The following TAF5L variants were observed in gnomAD, a reference collection of about 807,000 sequenced individuals.
The protein encoded by TAF5L is TATA-box binding protein associated factor 5 like, also known as TAF5-like RNA polymerase II p300/CBP-associated factor-associated factor 65 kDa subunit 5L.
In TAF5L, 7 loss-of-function variants were observed where a neutral mutation model predicts 51.3. The ratio of observed to expected loss-of-function variants is 0.14; its 90% CI spans 0.08 to 0.26. The LOEUF (loss-of-function observed/expected upper bound fraction) is 0.26, where lower values mean the gene tolerates loss of function less well. TAF5L is among the 10% of genes least tolerant of loss of function. The pLI, the probability that TAF5L is intolerant of heterozygous loss-of-function variation, is 1.00. For missense variants in TAF5L, 575 were observed against 758.9 expected, an observed-to-expected ratio of 0.76 and a Z score of 2.85; for synonymous variants, 291 against 308.1, an observed-to-expected ratio of 0.94 and a Z score of 0.58.
rs1664443971 is a variant in TAF5L at position 229,602,972 on chromosome 1, C to T, written c.248-53G>A. ...TAATCAGCATAATCTTACAGAATAACGTGATCCCTCCTGGGGATCACCACC... is the reference window on the plus strand; with the variant it reads ...TAATCAGCATAATCTTACAGAATAATGTGATCCCTCCTGGGGATCACCACC... On this transcript the variant is annotated intron_variant, in intron 3 of 4. Transcript: ENST00000258281. This position sits in a 1 kb window ranked among gnomAD's most constrained non-coding sequence, Gnocchi z 4.6. 1.9e-5 allele frequency: 29 copies of T among 1,518,992 alleles called. No individual in the cohort carries two copies. Among genetic ancestry groups the T allele is most frequent in the East Asian group, 2.3e-5 (1 of 44,340 alleles). 94.1% of individuals were successfully genotyped at this position (1,518,992 alleles called of 1,614,324 possible). A position where few individuals can be genotyped will look rare whatever the true frequency, so the allele number is the denominator to read the frequency against.
chr1:229,616,258 C>A (rs1190766504), intron 1 of TAF5L, among the ~76,000 whole-genome samples: 1 of 152,188 alleles, frequency 6.6e-6, no homozygotes, highest in East Asian at 1.9e-4. Context: ...AAGTGACTTG[C>A]CTGCCTTGGC....
chr1:229,610,696 A>T (rs1306819095), intron 2 of TAF5L, among the ~76,000 whole-genome samples: 1 of 152,072 alleles, frequency 6.6e-6, no homozygotes, highest in Non-Finnish European at 1.5e-5. Context: ...GATATCCTGA[A>T]CCAATCCTTT....
chr1:229,603,682 C>T (rs1664475032), intron 3 of TAF5L, among the ~76,000 whole-genome samples: 1 of 152,238 alleles, frequency 6.6e-6, no homozygotes, highest in Non-Finnish European at 1.5e-5. Flanking sequence ...GACTCAACTA[C>T]TTACTAACTT....
chr1:229,603,697 G>A (rs1278344134), intron 3 of TAF5L, among the ~76,000 whole-genome samples: 1 of 152,244 alleles, frequency 6.6e-6, no homozygotes, highest in Admixed American at 6.5e-5. Flanking sequence ...TAACTTGGGA[G>A]TTTAGCGCCA....
chr1:229,595,493 A>G (rs968136828), intron 4 of TAF5L, among the ~76,000 whole-genome samples: 3 of 152,302 alleles, frequency 2.0e-5, no homozygotes, highest in East Asian at 3.9e-4. Context: ...AGATTGTTCT[A>G]TTCTATGGGC....
chr1:229,605,128 A>ATATATATATATATATATATTT (rs1340196774), intron 3 of TAF5L, among the ~76,000 whole-genome samples: 1 of 145,092 alleles, frequency 6.9e-6, no homozygotes, highest in African/African-American at 2.6e-5. Context: ...ATATATATGT[A>ATATATATATATATATATATTT]TTTTTTTTTT....
intron 2 of TAF5L, among the ~76,000 whole-genome samples, chr1:229,611,041 G>A (rs559240698): frequency 1.3e-4 from 19 of 151,986 alleles, no homozygotes; most frequent in African/African-American, 4.6e-4. Flanking sequence ...TCTGGGTGGT[G>A]AGGCTCATCC....
intron 3 of TAF5L, chr1:229,607,093 A>G: frequency 1.0e-6 from 1 of 985,440 alleles, no homozygotes; most frequent in Non-Finnish European, 1.2e-6. Context: ...CACTGTCATG[A>G]CAATTTAACA....
chr1:229,620,956 A>ACG (rs143296806), intron 1 of TAF5L, among the ~76,000 whole-genome samples: 1 of 149,904 alleles, frequency 6.7e-6, no homozygotes, highest in South Asian at 2.1e-4. Context: ...TAAAACATTT[A>ACG]TGTGTGTGTG....
intron 4 of TAF5L, among the ~76,000 whole-genome samples, chr1:229,595,640 C>T (rs1241026368): frequency 6.6e-6 from 1 of 152,150 alleles, no homozygotes; most frequent in East Asian, 1.9e-4. Flanking sequence ...GACACAGCGA[C>T]ACATGAAGGC....
At position 229,621,108 on chromosome 1, in the gene TAF5L, G is replaced by C. The variant is rs1665186241; in HGVS notation, c.-4+4777C>G. 2.0e-5 allele frequency among the ~76,000 whole-genome samples: 3 copies of C among 152,172 alleles called. No individual in the cohort carries two copies. The South Asian group carries it at 6.2e-4, about 31-fold the overall frequency. ...CACAACAGTAGTCACTGGCCACACA[G>C]GGCAATTGGGCAATGAAAATATGAC... is the stretch of plus-strand genomic sequence containing the variant. On this transcript the variant is annotated intron_variant, in intron 1 of 4. Transcript: ENST00000258281.
chr1:229,603,072 T>C (rs1425272800), intron 3 of TAF5L, among the ~76,000 whole-genome samples, 153 bp from the exon 4 acceptor site: 1 of 152,192 alleles, frequency 6.6e-6, no homozygotes, highest in Non-Finnish European at 1.5e-5. Context: ...CACAGGATTC[T>C]GGAATTTCAA....
intron 1 of TAF5L, among the ~76,000 whole-genome samples, chr1:229,623,304 T>C (rs1363228694): frequency 6.6e-6 from 1 of 152,204 alleles, no homozygotes; most frequent in East Asian, 1.9e-4. Context: ...AACAAAATAC[T>C]TTCTACTGCC....
intron 1 of TAF5L, among the ~76,000 whole-genome samples, 156 bp from the exon 2 acceptor site, chr1:229,614,641 A>T (rs1056216270): frequency 6.6e-6 from 1 of 152,202 alleles, no homozygotes; most frequent in African/African-American, 2.4e-5. Context: ...GTTCCCTAAT[A>T]CCAACGTGGT....
chr1:229,610,295 G>C, intron 2 of TAF5L, 85 bp from the exon 3 acceptor site: 1 of 1,295,306 alleles, frequency 7.7e-7, no homozygotes, highest in Non-Finnish European at 1.1e-6. Context: ...GTGAAGGAGG[G>C]TGTTGTGCAC....
intron 1 of TAF5L, among the ~76,000 whole-genome samples, chr1:229,618,575 T>TTTC (rs1665089164): frequency 6.6e-6 from 1 of 152,182 alleles, no homozygotes; most frequent in African/African-American, 2.4e-5. Context: ...AAATCCCACA[T>TTTC]GATCATTTCA....
Position 229,594,629 on chromosome 1 carries a change from C to T in TAF5L, c.1438G>A (p.Gly480Ser). ...TCGCCAGCAGACGCCAAGTACTTAC[C>T]GTTGGGAGAAAAGGCGAGAGAAAGC... is the stretch of plus-strand genomic sequence containing the variant. The change falls in exon 5 of 5, where the codon GGT (glycine) becomes AGT (serine). Residue 480 changes from glycine (G) to serine (S), a missense_variant. Gly to Ser is a moderately conservative substitution (Grantham distance 56). Around this residue, in one of 3 missense-constraint regions of TAF5L, gnomAD observed 104 missense variants for 218.3 expected, o/e 0.48. Transcript: ENST00000258281. The surrounding 1 kb of genome is among the most constrained non-coding windows in gnomAD (Gnocchi z 7.9). The T allele has an allele frequency of 6.2e-7, 1 of 1,614,156 alleles. No individual in the cohort carries two copies. The highest frequency in any genetic ancestry group is 8.5e-7 in the Non-Finnish European group (1 of 1,180,032).
chr1:229,595,823 G>A (rs144424635), intron 4 of TAF5L, among the ~76,000 whole-genome samples: 1,928 of 152,220 alleles, frequency 0.013, 38 homozygotes, highest in African/African-American at 0.045. Context: ...GTGCCACCAC[G>A]CCTGGCTAAT....
At chr1:229,597,041 G>A (rs185735407) in intron 4 of TAF5L, among the ~76,000 whole-genome samples, 2 of 152,230 alleles carry the variant, frequency 1.3e-5, no homozygotes, top group African/African-American at 4.8e-5. Context: ...GGAGCTTAAG[G>A]GTCTACTGAG....
Sources: allele counts gnomAD v4.1 joint callset (sites outside exome capture counted in the v4.1 genomes callset), GRCh38; gene constraint gnomAD v4.1.1; regional missense constraint gnomAD v4.1.1; non-coding constraint Gnocchi (gnomAD v3.1); transcripts MANE v1.5; gene names NCBI Gene and HGNC (gene_info 2026-07-23, HGNC 2026-07-21).